ZNF484: variants seen among roughly 807,000 people sequenced by gnomAD.
The protein encoded by ZNF484 is zinc finger protein 484, also known as KRAB box containing C2H2 type zinc finger bA526D8.4.
In ZNF484, 11 loss-of-function variants were observed where a neutral mutation model predicts 12.9. The observed-to-expected ratio is 0.85, with a 90% CI of 0.54 to 1.41. The LOEUF (loss-of-function observed/expected upper bound fraction) is 1.41, where lower values mean the gene tolerates loss of function less well. Among genes scored for constraint, ZNF484 ranks in the 40% most tolerant of loss-of-function variants. The pLI is 0.00. For missense variants in ZNF484, 807 were observed against 1,007.7 expected, an observed-to-expected ratio of 0.80 and a Z score of 2.70; for synonymous variants, 289 against 334.1, an observed-to-expected ratio of 0.86 and a Z score of 1.47.
Position 92,846,401 on chromosome 9 carries a change from T to A in ZNF484, c.2386A>T (p.Lys796Ter). 1 of 1,614,158 alleles carries A rather than the reference T, an allele frequency of 6.2e-7. No homozygotes were observed. The highest frequency in any genetic ancestry group is 8.5e-7 in the Non-Finnish European group (1 of 1,180,006). The change falls in exon 5 of 5, where the codon AAA becomes TAA. Residue 796 changes from lysine to a stop codon, truncating the protein, a stop_gained. Transcript: ENST00000375495. LOFTEE classifies it low-confidence loss of function (END_TRUNC). ...TAGGGTTTCTGTTTAGTATGAATTTTCTGGTGTTTAATAAGATTTGATCTG... is the reference window on the plus strand; with the variant it reads ...TAGGGTTTCTGTTTAGTATGAATTTACTGGTGTTTAATAAGATTTGATCTG... ...TIRSNLIKHQ[K>*]IHTKQKPYKC... is the part of the protein sequence containing the mutation.
chr9:92,852,272 T>C (rs190850643), intron 4 of ZNF484, among the ~76,000 whole-genome samples: 11 of 152,278 alleles, frequency 7.2e-5, no homozygotes, highest in Admixed American at 6.5e-4. Flanking sequence ...ATGTGTATTA[T>C]TTGGTTTTTT....
chr9:92,852,242 G>C (rs894247108), intron 4 of ZNF484, among the ~76,000 whole-genome samples: 1 of 152,200 alleles, frequency 6.6e-6, no homozygotes, highest in African/African-American at 2.4e-5. Flanking sequence ...CAAGGAGTAA[G>C]TGAAAGCTGA....
Position 92,844,963 on chromosome 9 carries a change from CCATAT to C in ZNF484, c.*1260_*1264del, listed in dbSNP as rs544258500. On this transcript the variant is annotated 3_prime_UTR_variant, in exon 5 of 5. Coordinates refer to ENST00000375495, the MANE Select transcript of ZNF484 (RefSeq NM_031486.4). ...AGAATCCAAATATACAAAATTAATACCATATAAGAGACAAATAAATGAAATTATAA... is the reference window on the plus strand; with the variant it reads ...AGAATCCAAATATACAAAATTAATACAAGAGACAAATAAATGAAATTATAA... 9 of 152,168 alleles carry C rather than the reference CCATAT, an allele frequency of 5.9e-5. No homozygotes were observed. The East Asian group carries it at 1.7e-3, about 29-fold the overall frequency. The allele number at this position is 152,168 out of a possible 1,614,324, so 9.4% of individuals were successfully genotyped here. A position where few individuals can be genotyped will look rare whatever the true frequency, so the allele number is the denominator to read the frequency against.
At chr9:92,861,251 C>T (rs1181058509) in intron 2 of ZNF484, among the ~76,000 whole-genome samples, 1 of 152,074 alleles carries the variant, frequency 6.6e-6, no homozygotes, top group Non-Finnish European at 1.5e-5. Context: ...TGAATAAAGC[C>T]AAAATTATTC....
chr9:92,856,415 G>A, intron 2 of ZNF484, 97 bp from the exon 3 acceptor site: 1 of 1,010,644 alleles, frequency 9.9e-7, no homozygotes, highest in Non-Finnish European at 1.4e-6. Context: ...CGAGATTACA[G>A]AATGGAAACA....
intron 2 of ZNF484, among the ~76,000 whole-genome samples, chr9:92,869,079 A>G (rs934444010): frequency 6.6e-6 from 1 of 152,074 alleles, no homozygotes; most frequent in Non-Finnish European, 1.5e-5. Flanking sequence ...AAACCATAGC[A>G]ATAACTCGTA....
intron 2 of ZNF484, among the ~76,000 whole-genome samples, chr9:92,870,403 CA>C (rs1423360345): frequency 6.6e-6 from 1 of 152,184 alleles, no homozygotes; most frequent in Non-Finnish European, 1.5e-5. Flanking sequence ...TATAAAACAA[CA>C]AAAAACTGTG....
At chr9:92,867,764 C>A (rs1564114656) in intron 2 of ZNF484, among the ~76,000 whole-genome samples, 1 of 152,170 alleles carries the variant, frequency 6.6e-6, no homozygotes, top group African/African-American at 2.4e-5. Context: ...CTGCACTGAG[C>A]ACATCTTCTC....
At chr9:92,850,568 T>C (rs1393936065) in intron 4 of ZNF484, among the ~76,000 whole-genome samples, 1 of 152,144 alleles carries the variant, frequency 6.6e-6, no homozygotes, top group Non-Finnish European at 1.5e-5. Context: ...ATCAACTCTA[T>C]GTAACAATTG....
intron 2 of ZNF484, among the ~76,000 whole-genome samples, chr9:92,863,648 T>C (rs997716598): frequency 2.0e-5 from 3 of 152,196 alleles, no homozygotes; most frequent in African/African-American, 7.2e-5. Context: ...TTCTCAATTA[T>C]TCGTTTTGTA....
chr9:92,851,806 G>T (rs1161877674), intron 4 of ZNF484, among the ~76,000 whole-genome samples: 1 of 151,968 alleles, frequency 6.6e-6, no homozygotes, highest in Non-Finnish European at 1.5e-5. Flanking sequence ...ATCATTTGGG[G>T]TTCTCTGCTT....
intron 1 of ZNF484, among the ~76,000 whole-genome samples, chr9:92,876,055 T>TAGA (rs397742351): frequency 1.3e-5 from 2 of 151,656 alleles, no homozygotes; most frequent in African/African-American, 4.8e-5. Context: ...CTGGAAGAAG[T>TAGA]CCAAATAAAT....
At chr9:92,877,062 A>G (rs1476440329) in intron 1 of ZNF484, among the ~76,000 whole-genome samples, 2 of 152,184 alleles carry the variant, frequency 1.3e-5, no homozygotes, top group Non-Finnish European at 2.9e-5. Flanking sequence ...AACATACTTT[A>G]ATAATTTGGG....
intron 2 of ZNF484, among the ~76,000 whole-genome samples, chr9:92,869,256 A>C (rs1453230853): frequency 2.6e-5 from 4 of 152,136 alleles, no homozygotes; most frequent in Non-Finnish European, 4.4e-5. Context: ...TGATATGTAT[A>C]ATATATATTG....
intron 2 of ZNF484, among the ~76,000 whole-genome samples, chr9:92,860,641 A>C (rs991196580): frequency 2.3e-4 from 35 of 151,682 alleles, no homozygotes; most frequent in Non-Finnish European, 4.4e-4. Flanking sequence ...AACAAACAAA[A>C]AAAAACCAGT....
intron 4 of ZNF484, among the ~76,000 whole-genome samples, chr9:92,855,233 T>C (rs1223563777): frequency 6.6e-6 from 1 of 152,148 alleles, no homozygotes; most frequent in Non-Finnish European, 1.5e-5. Flanking sequence ...CAAGTCAGTG[T>C]TGCGTTGCAC....
At position 92,847,449 on chromosome 9, in the gene ZNF484, C is replaced by T; in HGVS notation, c.1338G>A (p.Gly446=). 1 of 1,613,062 alleles carries T rather than the reference C, an allele frequency of 6.2e-7. No homozygotes were observed. Among genetic ancestry groups the T allele is most frequent in the Non-Finnish European group, 8.5e-7 (1 of 1,179,742 alleles). The change falls in exon 5 of 5, where the codon GGG becomes GGA. Residue 446 remains glycine (G), a synonymous_variant. Transcript: ENST00000375495. ...GTTGTGATTTTTTAATAAAGGATTT[C>T]CCACAGTCACTGCATTCATAGGGTT... ...GEKPYECSDC[G]KSFIKKSQLH...
Position 92,877,964 on chromosome 9 carries a change from C to CAGG in ZNF484, c.-108_-106dup. Reference sequence around the variant, plus strand: ...GTGACTATAGTCGCAAGAACCAGAACAGGACCCACTTCCTTTTTCTCAATG... The same window carrying CAGG: ...GTGACTATAGTCGCAAGAACCAGAACAGGAGGACCCACTTCCTTTTTCTCAATG... On this transcript the variant is annotated 5_prime_UTR_variant, in exon 1 of 5. Coordinates refer to ENST00000375495, the MANE Select transcript of ZNF484 (RefSeq NM_031486.4). 8.1e-7 allele frequency: 1 copy of CAGG among 1,235,528 alleles called. No homozygotes were observed. The highest frequency in any genetic ancestry group is 1.3e-5 in the South Asian group (1 of 74,678). 76.5% of individuals were successfully genotyped at this position (1,235,528 alleles called of 1,614,324 possible).
intron 2 of ZNF484, among the ~76,000 whole-genome samples, chr9:92,860,671 C>T (rs867508987): frequency 6.7e-6 from 1 of 150,032 alleles, no homozygotes; most frequent in African/African-American, 2.5e-5. Flanking sequence ...GTGAAAACTA[C>T]AAAAGATGCA....
Sources: gnomAD v4.1 joint callset for allele counts (sites outside exome capture counted in the v4.1 genomes callset) on GRCh38, gnomAD v4.1.1 for gene constraint, MANE v1.5 for transcripts, NCBI Gene and HGNC (gene_info 2026-07-23, HGNC 2026-07-21) for gene names.